The following ILDR1 variants were observed in gnomAD, a reference collection of about 807,000 sequenced individuals.
The protein encoded by ILDR1 is immunoglobulin-like domain-containing receptor 1.
ILDR1 carries 56 observed loss-of-function variants against 62.4 expected under a neutral mutation model. The ratio of observed to expected loss-of-function variants is 0.90; its 90% CI spans 0.72 to 1.12. The LOEUF is 1.12. ILDR1 is among the 50% of genes most tolerant of loss of function. The probability of loss-of-function intolerance (pLI) is 0.00; values close to 1 mark genes in which losing one functional copy is unlikely to be tolerated. For missense variants in ILDR1, 736 were observed against 710.6 expected (o/e 1.04, Z -0.41); for synonymous variants, 284 against 277.8 (o/e 1.02, Z -0.22).
chr3:122,052,575 G>A, the ILDR1 span, among the ~76,000 whole-genome samples: 5 of 152,200 alleles, frequency 3.3e-5, no homozygotes, highest in Non-Finnish European at 7.4e-5. Flanking sequence ...TTGGTTTTTT[G>A]TTGTTGTTGT....
intron 3 of ILDR1, among the ~76,000 whole-genome samples, chr3:122,002,572 C>CCAT (rs1260083319): frequency 2.6e-5 from 4 of 152,014 alleles, no homozygotes; most frequent in Non-Finnish European, 5.9e-5. Context: ...TTGTGTACCT[C>CCAT]CATTAGGATA....
At chr3:122,043,530 G>A in the ILDR1 span, among the ~76,000 whole-genome samples, 2 of 131,132 alleles carry the variant, frequency 1.5e-5, no homozygotes, top group East Asian at 2.2e-4. Context: ...TCACGATATT[G>A]ATTCTTCCTA....
At chr3:121,990,839 T>G (rs1265168782) in intron 7 of ILDR1, among the ~76,000 whole-genome samples, 1 of 152,210 alleles carries the variant, frequency 6.6e-6, no homozygotes, top group East Asian at 1.9e-4. Flanking sequence ...TCACTCCCTA[T>G]TGGCTGTGTG....
At chr3:121,995,609 A>T (rs1477862703) in intron 5 of ILDR1, among the ~76,000 whole-genome samples, 1 of 152,182 alleles carries the variant, frequency 6.6e-6, no homozygotes. Flanking sequence ...AACTTGCAGC[A>T]GCTCCCCCAG....
intron 3 of ILDR1, among the ~76,000 whole-genome samples, chr3:122,002,404 A>T (rs575406303): frequency 6.6e-6 from 1 of 151,448 alleles, no homozygotes; most frequent in African/African-American, 2.4e-5. Context: ...GGGTGGAAAA[A>T]CTCCACATTC....
At chr3:122,050,559 G>T in the ILDR1 span, among the ~76,000 whole-genome samples, 1 of 136,552 alleles carries the variant, frequency 7.3e-6, no homozygotes, top group Admixed American at 7.5e-5. Context: ...CCCCCCCACA[G>T]TTATGGATGT....
intron 1 of ILDR1, among the ~76,000 whole-genome samples, chr3:122,011,477 G>C (rs1307772939): frequency 1.3e-5 from 2 of 151,852 alleles, no homozygotes; most frequent in Non-Finnish European, 2.9e-5. Context: ...TGCTGCTTGG[G>C]TACTCTTTTA....
chr3:122,029,786 C>A, the ILDR1 span, among the ~76,000 whole-genome samples: 1 of 152,042 alleles, frequency 6.6e-6, no homozygotes, highest in Admixed American at 6.6e-5. Flanking sequence ...AAACTAGTGA[C>A]CTTTTACTAT....
the ILDR1 span, among the ~76,000 whole-genome samples, chr3:122,054,365 T>C: frequency 2.0e-5 from 3 of 152,344 alleles, no homozygotes; most frequent in Admixed American, 2.0e-4. Flanking sequence ...AAATAATTTA[T>C]TTAGGAAGGC....
intron 2 of ILDR1, among the ~76,000 whole-genome samples, chr3:122,006,769 G>GA (rs1336422808): frequency 2.0e-5 from 3 of 152,084 alleles, no homozygotes; most frequent in African/African-American, 7.2e-5. Flanking sequence ...AACAAAGCAG[G>GA]AAAAAATTTT....
At chr3:122,052,439 TA>T in the ILDR1 span, among the ~76,000 whole-genome samples, 9 of 152,138 alleles carry the variant, frequency 5.9e-5, no homozygotes, top group South Asian at 2.1e-4. Flanking sequence ...GACAGCAATA[TA>T]TCACCCAGTA....
the ILDR1 span, among the ~76,000 whole-genome samples, chr3:122,053,781 TGA>T: frequency 6.6e-6 from 1 of 152,234 alleles, no homozygotes; most frequent in African/African-American, 2.4e-5. Flanking sequence ...AATAAAAATT[TGA>T]GTGTATGCAT....
intron 7 of ILDR1, among the ~76,000 whole-genome samples, chr3:121,990,429 T>A (rs1215380314): frequency 6.6e-6 from 1 of 152,250 alleles, no homozygotes; most frequent in Admixed American, 6.5e-5. Context: ...CAATGGAGGC[T>A]TTTACAATTT....
At chr3:121,997,865 C>G (rs1576719507) in intron 5 of ILDR1, among the ~76,000 whole-genome samples, 1 of 152,190 alleles carries the variant, frequency 6.6e-6, no homozygotes, top group East Asian at 1.9e-4. Flanking sequence ...GGCTGTTTAC[C>G]ACTATTAGGT....
At position 121,993,685 on chromosome 3, in the gene ILDR1, G is replaced by T. The variant is rs565240888; in HGVS notation, c.1064C>A (p.Thr355Asn). ...ATCCCAGGGCCTGGAGGGAATTGGG[G>T]TGAGCCACTGCTGGTGCAGGGAGTC... ...TSDSLHQQWLTPIPSRPWDLR... is the reference protein window; with the variant it reads ...TSDSLHQQWLNPIPSRPWDLR... Residue 355 changes from threonine (T) to asparagine (N), a missense_variant, in exon 7 of 8, where the codon ACC becomes AAC. Coordinates refer to ENST00000344209, the MANE Select transcript of ILDR1 (RefSeq NM_001199799.2). The T allele has an allele frequency of 3.7e-6, 6 of 1,614,074 alleles. No homozygotes were observed. Among genetic ancestry groups the T allele is most frequent in the Non-Finnish European group, 5.1e-6 (6 of 1,180,020 alleles).
In ILDR1 at chr3:121,993,741, G is replaced by C. The variant is rs769428673; in HGVS notation, c.1008C>G (p.Ile336Met). 1.9e-6 allele frequency: 3 copies of C among 1,614,172 alleles called. No individual in the cohort carries two copies. In the Admixed American group the frequency reaches 5.0e-5, roughly 27 times the overall value. The change falls in exon 7 of 8, where the codon ATC becomes ATG. Residue 336 changes from isoleucine (I) to methionine (M), a missense_variant. By Grantham distance (10) the Ile-to-Met change is conservative (BLOSUM62 1). Coordinates refer to ENST00000344209, the MANE Select transcript of ILDR1 (RefSeq NM_001199799.2). ...ERRIIHLPPL[I>M]RDLSSSRRTS... ...TCCTCCTTGAGGATGACAGGTCTCT[G>C]ATCAGTGGGGGCAGGTGGATGATTC...
Position 121,993,674 on chromosome 3 carries a change from A to T in ILDR1, c.1075T>A (p.Ser359Thr), listed in dbSNP as rs930698637. The change falls in exon 7 of 8, where the codon TCC becomes ACC. Residue 359 changes from serine (S) to threonine (T), a missense_variant. Coordinates refer to ENST00000344209, the MANE Select transcript of ILDR1 (RefSeq NM_001199799.2). ...LHQQWLTPIP[S>T]RPWDLREGRS... ...CCCTCCCTCAGATCCCAGGGCCTGG[A>T]GGGAATTGGGGTGAGCCACTGCTGG... The T allele has an allele frequency of 1.2e-6, 2 of 1,614,068 alleles. No individual in the cohort carries two copies. The highest frequency in any genetic ancestry group is 3.3e-5 in the Admixed American group (2 of 60,012).
At chr3:122,021,620 A>G (rs2071856498) in intron 1 of ILDR1, among the ~76,000 whole-genome samples, 1 of 152,242 alleles carries the variant, frequency 6.6e-6, no homozygotes, top group Admixed American at 6.5e-5. Flanking sequence ...ATAACCTCCC[A>G]GAAATGAAAT....
chr3:121,992,137 T>C (rs550166395), intron 7 of ILDR1, among the ~76,000 whole-genome samples: 4 of 152,302 alleles, frequency 2.6e-5, no homozygotes, highest in Admixed American at 2.0e-4. Context: ...GATGTATTAA[T>C]TATAAATTTT....
Sources: gnomAD v4.1 joint callset for allele counts (sites outside exome capture counted in the v4.1 genomes callset) on GRCh38, gnomAD v4.1.1 for gene constraint, MANE v1.5 for transcripts, NCBI Gene and HGNC (gene_info 2026-07-23, HGNC 2026-07-21) for gene names.